The following TMEM51 variants were observed in gnomAD, a reference collection of about 807,000 sequenced individuals.
TMEM51 encodes the protein transmembrane protein 51.
In TMEM51, 8 loss-of-function variants were observed where a neutral mutation model predicts 13.6. That is an observed-to-expected ratio of 0.59 (90% CI 0.35 to 1.07). The LOEUF (loss-of-function observed/expected upper bound fraction) is 1.07, where lower values mean the gene tolerates loss of function less well. Among genes scored for constraint, TMEM51 ranks in the 50% least tolerant of loss-of-function variants. The pLI, the probability that TMEM51 is intolerant of heterozygous loss-of-function variation, is 0.02. For missense variants in TMEM51, 279 were observed against 330.7 expected (o/e 0.84, Z 1.21); for synonymous variants, 147 against 144.4 (o/e 1.02, Z -0.13).
intron 1 of TMEM51, among the ~76,000 whole-genome samples, chr1:15,208,389 G>C (rs545614808): frequency 6.6e-6 from 1 of 152,234 alleles, no homozygotes; most frequent in Admixed American, 6.5e-5. Flanking sequence ...TGGTAAGGCC[G>C]AAGCAGGAGG....
chr1:15,162,515 C>A (rs1041844075), intron 1 of TMEM51, among the ~76,000 whole-genome samples: 13 of 152,034 alleles, frequency 8.6e-5, no homozygotes, highest in African/African-American at 3.1e-4. Flanking sequence ...CAAACTATAT[C>A]AATGCTCAAA....
At chr1:15,170,449 C>T (rs1387955252) in intron 1 of TMEM51, among the ~76,000 whole-genome samples, 1 of 151,130 alleles carries the variant, frequency 6.6e-6, no homozygotes, top group Non-Finnish European at 1.5e-5. Context: ...GCTGGGATTA[C>T]AGGTGCGCAC....
At chr1:15,171,254 T>A in intron 1 of TMEM51, 2 of 1,304,242 alleles carry the variant, frequency 1.5e-6, no homozygotes, top group Non-Finnish European at 2.0e-6. Flanking sequence ...TCAAAAGGTT[T>A]GCAGGTCAGA....
chr1:15,210,036 A>G (rs1015807713), intron 1 of TMEM51, among the ~76,000 whole-genome samples: 4 of 152,062 alleles, frequency 2.6e-5, no homozygotes, highest in Admixed American at 6.6e-5. Context: ...GGAAGGAAGG[A>G]AGGAAGGGAG....
intron 2 of TMEM51, among the ~76,000 whole-genome samples, chr1:15,212,948 C>T (rs1390246367): frequency 2.0e-5 from 3 of 152,356 alleles, no homozygotes; most frequent in South Asian, 4.1e-4. Context: ...AGAGCCAGTG[C>T]GTTCACGCAC....
intron 1 of TMEM51, among the ~76,000 whole-genome samples, chr1:15,182,202 A>AATG (rs1553200251): frequency 0.018 from 1,492 of 84,564 alleles, 14 homozygotes; most frequent in Admixed American, 0.053. Context: ...ATAAATAAAT[A>AATG]AATAACTGCA....
At chr1:15,186,378 C>T (rs949430607) in intron 1 of TMEM51, among the ~76,000 whole-genome samples, 4 of 152,110 alleles carry the variant, frequency 2.6e-5, no homozygotes, top group Non-Finnish European at 4.4e-5. Flanking sequence ...TAACAGTCTA[C>T]CCCAGAATGG....
intron 1 of TMEM51, among the ~76,000 whole-genome samples, chr1:15,203,303 G>A (rs949195847): frequency 5.9e-5 from 9 of 152,116 alleles, no homozygotes; most frequent in African/African-American, 2.2e-4. Context: ...ACCCAGGCTG[G>A]AGTGCAGTGG....
intron 1 of TMEM51, among the ~76,000 whole-genome samples, chr1:15,184,529 A>G (rs1311596350): frequency 1.3e-5 from 2 of 152,198 alleles, no homozygotes; most frequent in African/African-American, 4.8e-5. Flanking sequence ...TGCTTCTAGA[A>G]GCTCATTTTG....
intron 1 of TMEM51, among the ~76,000 whole-genome samples, chr1:15,191,237 G>A (rs1643915370): frequency 6.6e-6 from 1 of 152,242 alleles, no homozygotes; most frequent in Non-Finnish European, 1.5e-5. Flanking sequence ...GCTGGAAGAG[G>A]CAAGGAAATG....
At chr1:15,171,964 C>T (rs1005752801) in intron 1 of TMEM51, among the ~76,000 whole-genome samples, 9 of 152,174 alleles carry the variant, frequency 5.9e-5, no homozygotes, top group Admixed American at 1.3e-4. Flanking sequence ...TTTCCAGGCC[C>T]CAGCCCAGGC....
rs188444243 is a variant in TMEM51, at chr1:15,193,853, G to A, written c.-266-16637G>A. The stretch of plus-strand genomic sequence containing the variant: ...ATTACAGGCGTGAGCCACTGCGCCT[G>A]GCCAGCATTTTCTTTTTAACAGGTG... On this transcript the variant is annotated intron_variant, in intron 1 of 3. Transcript: ENST00000376008. Among the ~76,000 whole-genome samples the A allele has an allele frequency of 3.5e-3, 528 of 152,288 alleles. 5 individuals carry two copies. The highest frequency in any genetic ancestry group is 0.012 in the African/African-American group (490 of 41,568).
chr1:15,163,831 GGGGGGGA>G (rs1276935783), intron 1 of TMEM51, among the ~76,000 whole-genome samples: 1 of 144,992 alleles, frequency 6.9e-6, no homozygotes, highest in Non-Finnish European at 1.5e-5. Flanking sequence ...TTTTTTTGGG[GGGGGGGA>G]GGGGGGAGGG....
At chr1:15,178,892 G>A (rs955445343) in intron 1 of TMEM51, among the ~76,000 whole-genome samples, 6 of 152,236 alleles carry the variant, frequency 3.9e-5, no homozygotes, top group African/African-American at 4.8e-5. Flanking sequence ...CTTGGCAGCC[G>A]GAACTTTCCT....
intron 1 of TMEM51, among the ~76,000 whole-genome samples, chr1:15,187,974 C>T (rs76422341): frequency 0.015 from 2,345 of 152,292 alleles, 63 homozygotes; most frequent in African/African-American, 0.053. Flanking sequence ...ATTAGCTGCT[C>T]GCGCTGTTGG....
At chr1:15,167,145 G>A (rs965035329) in intron 1 of TMEM51, among the ~76,000 whole-genome samples, 1 of 151,858 alleles carries the variant, frequency 6.6e-6, no homozygotes, top group Non-Finnish European at 1.5e-5. Flanking sequence ...GGCTAACATG[G>A]TTAAACCCCG....
At chr1:15,189,863 C>T (rs75362522) in intron 1 of TMEM51, among the ~76,000 whole-genome samples, 2,113 of 152,354 alleles carry the variant, frequency 0.014, 58 homozygotes, top group African/African-American at 0.048. Context: ...CAGGCAGCCC[C>T]GTGAGCCCTG....
Position 15,159,736 on chromosome 1 carries a change from T to C in TMEM51, c.-267+5782T>C, listed in dbSNP as rs192675221. 4.6e-3 allele frequency among the ~76,000 whole-genome samples: 701 copies of C among 152,280 alleles called. 2 individuals are homozygous for C. Among genetic ancestry groups the C allele is most frequent in the Non-Finnish European group, 8.1e-3 (551 of 68,030 alleles). ...CACACCCAGCTAATTTTTGTATTTT[T>C]AGTAGCGATGGGATTTCACCATGTT... On this transcript the variant is annotated intron_variant, in intron 1 of 3. Transcript: ENST00000376008.
intron 1 of TMEM51, among the ~76,000 whole-genome samples, chr1:15,186,859 G>A (rs761291): frequency 0.54 from 81,427 of 151,800 alleles, 22,333 homozygotes; most frequent in East Asian, 0.64. Flanking sequence ...TCTGTATCCA[G>A]GTGAGGTGTG....
Sources: gnomAD v4.1 joint callset for allele counts (sites outside exome capture counted in the v4.1 genomes callset) on GRCh38, gnomAD v4.1.1 for gene constraint, MANE v1.5 for transcripts, NCBI Gene and HGNC (gene_info 2026-07-23, HGNC 2026-07-21) for gene names.